Variants in SORCS1 observed in about 807,000 individuals in gnomAD.
SORCS1 encodes VPS10 domain-containing receptor SorCS1.
A neutral mutation model predicts 146.1 loss-of-function variants in SORCS1; 60 were observed. That is an observed-to-expected ratio of 0.41 (90% CI 0.33 to 0.51). The LOEUF (loss-of-function observed/expected upper bound fraction) is 0.51, where lower values mean the gene tolerates loss of function less well. Among genes scored for constraint, SORCS1 ranks in the 20% least tolerant of loss-of-function variants. The probability of loss-of-function intolerance (pLI) is 0.21; values close to 1 mark genes in which losing one functional copy is unlikely to be tolerated. For synonymous variants in SORCS1, 637 were observed against 584.0 expected, an observed-to-expected ratio of 1.09 and a Z score of -1.31; for missense variants, 1,352 against 1,487.6, an observed-to-expected ratio of 0.91 and a Z score of 1.50.
At chr10:107,008,627 G>A (rs1163374254) in intron 1 of SORCS1, among the ~76,000 whole-genome samples, 1 of 152,170 alleles carries the variant, frequency 6.6e-6, no homozygotes. Flanking sequence ...AGCTAAGAAA[G>A]TACATTCTGC....
chr10:107,133,022 G>T (rs1966982108), intron 1 of SORCS1, among the ~76,000 whole-genome samples: 1 of 152,122 alleles, frequency 6.6e-6, no homozygotes, highest in East Asian at 1.9e-4. Context: ...ACCCGCTGAA[G>T]GTTCAGCCTC....
chr10:106,990,421 C>T (rs973970077), intron 1 of SORCS1, among the ~76,000 whole-genome samples: 10 of 152,104 alleles, frequency 6.6e-5, no homozygotes, highest in Admixed American at 6.6e-4. Flanking sequence ...AGGTGTGAGG[C>T]ACCACACCTG....
At chr10:106,913,504 T>C (rs530533270) in intron 2 of SORCS1, among the ~76,000 whole-genome samples, 13 of 152,328 alleles carry the variant, frequency 8.5e-5, no homozygotes, top group South Asian at 6.2e-4. Context: ...ATGCTGGCTA[T>C]TGGGGATTCC....
At chr10:106,891,118 G>A (rs867983461) in intron 2 of SORCS1, among the ~76,000 whole-genome samples, 13 of 151,992 alleles carry the variant, frequency 8.6e-5, no homozygotes, top group African/African-American at 2.4e-4. Flanking sequence ...CATGGTTCCC[G>A]TATTACTTTA....
chr10:106,688,917 AGCTATCTGCAG>A (rs1307061533), intron 9 of SORCS1, among the ~76,000 whole-genome samples: 1 of 152,238 alleles, frequency 6.6e-6, no homozygotes, highest in Non-Finnish European at 1.5e-5. Context: ...TCAATTATCA[AGCTATCTGCAG>A]GCTTGGGCAG....
chr10:106,923,870 T>C (rs1172106847), intron 2 of SORCS1, among the ~76,000 whole-genome samples: 1 of 152,252 alleles, frequency 6.6e-6, no homozygotes, highest in African/African-American at 2.4e-5. Flanking sequence ...AGTGCTTGTA[T>C]AGTGTGGATA....
At chr10:106,646,363 C>T (rs1473397205) in intron 18 of SORCS1, among the ~76,000 whole-genome samples, 2 of 152,050 alleles carry the variant, frequency 1.3e-5, no homozygotes, top group Non-Finnish European at 2.9e-5. Flanking sequence ...CTTTGCATAA[C>T]ACAAGGTCAT....
At chr10:107,044,813 A>AT (rs1331235953) in intron 1 of SORCS1, among the ~76,000 whole-genome samples, 32 of 124,778 alleles carry the variant, frequency 2.6e-4, no homozygotes, top group African/African-American at 8.6e-4. Context: ...TTGTGTCTCA[A>AT]TAAAAAAAAA....
At chr10:106,932,068 G>A (rs1370732625) in intron 2 of SORCS1, among the ~76,000 whole-genome samples, 1 of 152,002 alleles carries the variant, frequency 6.6e-6, no homozygotes, top group African/African-American at 2.4e-5. Flanking sequence ...TATACCCTGG[G>A]GATGTTCTCA....
chr10:106,941,525 G>T (rs533846569), intron 2 of SORCS1, among the ~76,000 whole-genome samples: 1 of 152,312 alleles, frequency 6.6e-6, no homozygotes, highest in Admixed American at 6.5e-5. Flanking sequence ...AAGGGCACGT[G>T]TTGCCTTGGC....
At chr10:106,581,775 AT>A (rs1844933396) in intron 24 of SORCS1, among the ~76,000 whole-genome samples, 2 of 151,892 alleles carry the variant, frequency 1.3e-5, no homozygotes. Flanking sequence ...AAAAGATAAG[AT>A]CTCTCTCTCT....
At chr10:107,046,489 T>A (rs1382235727) in intron 1 of SORCS1, among the ~76,000 whole-genome samples, 1 of 152,036 alleles carries the variant, frequency 6.6e-6, no homozygotes, top group Non-Finnish European at 1.5e-5. Flanking sequence ...CAAAATATAT[T>A]TTTATGGATA....
intron 3 of SORCS1, among the ~76,000 whole-genome samples, chr10:106,808,263 C>T (rs1418154552): frequency 6.6e-6 from 1 of 152,204 alleles, no homozygotes; most frequent in Non-Finnish European, 1.5e-5. Flanking sequence ...GGTGATCCAC[C>T]TGCCTTGGCC....
chr10:106,635,981 C>T (rs1229301776), intron 18 of SORCS1, among the ~76,000 whole-genome samples: 2 of 152,104 alleles, frequency 1.3e-5, no homozygotes, highest in Non-Finnish European at 2.9e-5. Flanking sequence ...AGCAAGGTCT[C>T]GACAAGGAGT....
chr10:106,708,122 C>T (rs1854666907), intron 7 of SORCS1, among the ~76,000 whole-genome samples: 1 of 152,154 alleles, frequency 6.6e-6, no homozygotes, highest in Non-Finnish European at 1.5e-5. Flanking sequence ...GGGAGCAGCA[C>T]TGATACAGAA....
chr10:106,928,757 G>A (rs1482216867), intron 2 of SORCS1, among the ~76,000 whole-genome samples: 2 of 152,150 alleles, frequency 1.3e-5, no homozygotes, highest in Non-Finnish European at 1.5e-5. Flanking sequence ...GGAGAAAGAG[G>A]AGTAGGAAAA....
rs145104778 is a variant in SORCS1, at chr10:106,775,369, G to GA, written c.885+1164dup. ...AAAGGGTAGCCAGGCTGCTCAACAG[G>GA]AAAAAAAAATGAATTGTAAATTCTT... On this transcript the variant is annotated intron_variant, in intron 4 of 25. Transcript: ENST00000263054. 8.3e-3 allele frequency among the ~76,000 whole-genome samples: 1,252 copies of GA among 150,624 alleles called. 17 individuals carry two copies. The highest frequency in any genetic ancestry group is 0.027 in the African/African-American group (1,126 of 41,144).
chr10:106,625,598 G>T (rs1461590471), intron 19 of SORCS1, among the ~76,000 whole-genome samples: 1 of 152,044 alleles, frequency 6.6e-6, no homozygotes, highest in Non-Finnish European at 1.5e-5. Flanking sequence ...ACGTTTGCTG[G>T]TCAATAAAAT....
At chr10:107,135,139 C>A (rs1357975550) in intron 1 of SORCS1, among the ~76,000 whole-genome samples, 1 of 152,102 alleles carries the variant, frequency 6.6e-6, no homozygotes, top group African/African-American at 2.4e-5. Flanking sequence ...GGTAATTATT[C>A]GTTATGGTAA....
Sources: gnomAD v4.1 joint callset for allele counts (sites outside exome capture counted in the v4.1 genomes callset) on GRCh38, gnomAD v4.1.1 for gene constraint, MANE v1.5 for transcripts, NCBI Gene and HGNC (gene_info 2026-07-23, HGNC 2026-07-21) for gene names.